SLC6A5: variants seen among roughly 807,000 people sequenced by gnomAD.
SLC6A5 encodes the protein sodium- and chloride-dependent glycine transporter 2.
SLC6A5 carries 58 observed loss-of-function variants against 90.5 expected under a neutral mutation model. The ratio of observed to expected loss-of-function variants is 0.64; its 90% CI spans 0.52 to 0.80. SLC6A5 has a LOEUF of 0.80. SLC6A5 is among the 30% of genes least tolerant of loss of function. SLC6A5 has a pLI of 0.00. For missense variants in SLC6A5, 1,015 were observed against 1,017.6 expected, an observed-to-expected ratio of 1.00 and a Z score of 0.03; for synonymous variants, 427 against 401.4, an observed-to-expected ratio of 1.06 and a Z score of -0.76.
Position 20,607,044 on chromosome 11 carries a change from G to C in SLC6A5, c.717G>C (p.Leu239=), listed in dbSNP as rs777527507. The change falls in exon 4 of 16, where the codon CTG becomes CTC. Residue 239 remains leucine, a synonymous_variant. Coordinates refer to ENST00000525748, the MANE Select transcript of SLC6A5 (RefSeq NM_004211.5). ...FLIPYLMMLA[L]AGLPIFFLEV... ...TCCCTTACCTGATGATGCTGGCTCT[G>C]GCTGGATTACCCATCTTCTTCTTGG... 1 of 1,614,040 alleles carries C rather than the reference G, an allele frequency of 6.2e-7. No individual in the cohort carries two copies. The highest frequency in any genetic ancestry group is 1.7e-5 in the Admixed American group (1 of 60,012).
chr11:20,615,442 C>T (rs531094348), intron 6 of SLC6A5, among the ~76,000 whole-genome samples: 2 of 152,202 alleles, frequency 1.3e-5, no homozygotes, highest in East Asian at 3.9e-4. Context: ...GATCTCGGCT[C>T]ACTGAAACCT....
chr11:20,601,964 C>T (rs1852489568), intron 2 of SLC6A5, among the ~76,000 whole-genome samples: 1 of 152,232 alleles, frequency 6.6e-6, no homozygotes, highest in African/African-American at 2.4e-5. Context: ...TAGATTCCAC[C>T]CTTTTATGCA....
intron 13 of SLC6A5, among the ~76,000 whole-genome samples, chr11:20,639,171 C>A (rs11604555): frequency 0.028 from 4,248 of 152,166 alleles, 78 homozygotes; most frequent in Non-Finnish European, 0.044. Flanking sequence ...CTATCAGATG[C>A]CATCTTTTCC....
chr11:20,617,926 C>A, intron 7 of SLC6A5, 42 bp downstream of exon 7: 1 of 1,606,772 alleles, frequency 6.2e-7, no homozygotes, highest in South Asian at 1.1e-5. Context: ...GTGAGACACC[C>A]AGGGGCGGTT....
chr11:20,612,971 T>G (rs1407884377), intron 5 of SLC6A5, among the ~76,000 whole-genome samples: 2 of 152,262 alleles, frequency 1.3e-5, no homozygotes, highest in African/African-American at 4.8e-5. Flanking sequence ...GAGTGCTCTC[T>G]GGTTGGCCAC....
intron 13 of SLC6A5, among the ~76,000 whole-genome samples, chr11:20,642,754 G>A (rs1853337685): frequency 6.6e-6 from 1 of 152,180 alleles, no homozygotes; most frequent in Non-Finnish European, 1.5e-5. Context: ...AAGGACTCAG[G>A]TGGGGACTTG....
intron 7 of SLC6A5, among the ~76,000 whole-genome samples, chr11:20,618,678 T>C (rs1206893179): frequency 6.6e-6 from 1 of 152,150 alleles, no homozygotes; most frequent in African/African-American, 2.4e-5. Context: ...GGCTCAGGCC[T>C]GTAATCCCAG....
chr11:20,609,212 A>G (rs1852648345), intron 5 of SLC6A5, among the ~76,000 whole-genome samples: 1 of 151,864 alleles, frequency 6.6e-6, no homozygotes, highest in Non-Finnish European at 1.5e-5. Context: ...TTTCACGCTG[A>G]TTGTTTCCTG....
rs147227187 is a variant in SLC6A5, at chr11:20,614,794, T to G, written c.1101T>G (p.Phe367Leu). The G allele has an allele frequency of 2.5e-6, 4 of 1,613,918 alleles. No individual in the cohort carries two copies. The African/African-American group carries it at 5.3e-5, about 22-fold the overall frequency. Residue 367 changes from phenylalanine to leucine, a missense_variant, in exon 6 of 16, where the codon TTT becomes TTG. Physicochemically the swap from Phe to Leu is conservative, Grantham distance 22. This residue lies in a region of SLC6A5 where 567 missense variants were observed against 507.3 expected (regional missense o/e 1.12). Coordinates refer to ENST00000525748, the MANE Select transcript of SLC6A5 (RefSeq NM_004211.5). The stretch of plus-strand genomic sequence containing the variant: ...TCACCAGCCAGGCCAATAAGACATT[T>G]GTCAGTGGAAGTGAAGAGTACTTCA... ...VNFTSQANKT[F>L]VSGSEEYFKY...
Position 20,636,348 on chromosome 11 carries a change from A to T in SLC6A5, c.1666A>T (p.Arg556Trp). The change falls in exon 11 of 16, where the codon AGG becomes TGG. Residue 556 changes from arginine (R) to tryptophan (W), a missense_variant. Arg to Trp is a moderately radical substitution (Grantham distance 101). Coordinates refer to ENST00000525748, the MANE Select transcript of SLC6A5 (RefSeq NM_004211.5). ...AFVVYPEALT[R>W]LPLSPFWAII... ...TGTGGTTTACCCGGAAGCCTTAACC[A>T]GGCTGCCTCTCTCTCCGTTCTGGGC... is the stretch of plus-strand genomic sequence containing the variant. 1.9e-6 allele frequency: 3 copies of T among 1,614,040 alleles called. No homozygotes were observed. Among genetic ancestry groups the T allele is most frequent in the Non-Finnish European group, 2.5e-6 (3 of 1,179,922 alleles).
intron 7 of SLC6A5, among the ~76,000 whole-genome samples, chr11:20,621,490 A>G (rs1220191957): frequency 6.6e-6 from 1 of 152,222 alleles, no homozygotes; most frequent in Non-Finnish European, 1.5e-5. Flanking sequence ...TTTTTCATTT[A>G]GATCTGCCAA....
At chr11:20,641,954 C>T (rs2133814243) in intron 13 of SLC6A5, among the ~76,000 whole-genome samples, 1 of 151,906 alleles carries the variant, frequency 6.6e-6, no homozygotes, top group Non-Finnish European at 1.5e-5. Flanking sequence ...GGTGGCATCT[C>T]AGAGAAAAAA....
At chr11:20,606,224 A>G (rs1439869196) in intron 3 of SLC6A5, among the ~76,000 whole-genome samples, 1 of 152,236 alleles carries the variant, frequency 6.6e-6, no homozygotes, top group African/African-American at 2.4e-5. Context: ...GCCAAGTACT[A>G]TTGCCCTAGA....
intron 5 of SLC6A5, among the ~76,000 whole-genome samples, chr11:20,613,265 G>A (rs1378764391): frequency 3.3e-5 from 5 of 152,172 alleles, no homozygotes; most frequent in African/African-American, 1.2e-4. Flanking sequence ...GTCAATGCAT[G>A]TAAAGTACTT....
At chr11:20,610,779 A>G (rs955538660) in intron 5 of SLC6A5, among the ~76,000 whole-genome samples, 2 of 152,118 alleles carry the variant, frequency 1.3e-5, no homozygotes, top group African/African-American at 4.8e-5. Flanking sequence ...ACCAGGGGAG[A>G]TTTTGCAGGG....
At chr11:20,629,094 AG>A (rs1163075195) in intron 9 of SLC6A5, 1 of 152,158 alleles carries the variant, frequency 6.6e-6, no homozygotes, top group Non-Finnish European at 1.5e-5. Flanking sequence ...CCAGGATTTC[AG>A]TGTAGCCCTG....
chr11:20,604,847 G>A (rs1852547805), intron 3 of SLC6A5, among the ~76,000 whole-genome samples: 3 of 152,126 alleles, frequency 2.0e-5, no homozygotes, highest in Non-Finnish European at 4.4e-5. Flanking sequence ...GACTCCTTAG[G>A]AGATCTAAGA....
chr11:20,636,047 T>A (rs1029867718), intron 10 of SLC6A5, among the ~76,000 whole-genome samples: 2 of 152,220 alleles, frequency 1.3e-5, no homozygotes, highest in Admixed American at 1.3e-4. Flanking sequence ...GAGTTGCCTC[T>A]GAGTCTCTGC....
At chr11:20,633,719 C>A (rs1041610527) in intron 10 of SLC6A5, among the ~76,000 whole-genome samples, 2 of 152,108 alleles carry the variant, frequency 1.3e-5, no homozygotes, top group Admixed American at 1.3e-4. Flanking sequence ...TTGTTCTAAG[C>A]CTTTTACTTG....
Sources: gnomAD v4.1 joint callset for allele counts (sites outside exome capture counted in the v4.1 genomes callset) on GRCh38, gnomAD v4.1.1 for gene constraint, gnomAD v4.1.1 regional missense constraint, MANE v1.5 for transcripts, NCBI Gene and HGNC (gene_info 2026-07-23, HGNC 2026-07-21) for gene names.